The following FCF1 variants were observed in gnomAD, a reference collection of about 807,000 sequenced individuals.
FCF1 encodes the protein FCF1 rRNA-processing protein, also known as rRNA-processing protein FCF1 homolog.
FCF1 carries 17 observed loss-of-function variants against 32.5 expected under a neutral mutation model. That is an observed-to-expected ratio of 0.52 (90% CI 0.36 to 0.78). FCF1 has a LOEUF of 0.78. Ranked by LOEUF, FCF1 falls within the 30% of genes least tolerant of loss-of-function variation. The pLI, the probability that FCF1 is intolerant of heterozygous loss-of-function variation, is 0.00. For synonymous variants in FCF1, 84 were observed against 78.4 expected, an observed-to-expected ratio of 1.07 and a Z score of -0.38; for missense variants, 201 against 241.1, an observed-to-expected ratio of 0.83 and a Z score of 1.10.
chr14:74,730,110 C>T (rs1362615922), intron 5 of FCF1, among the ~76,000 whole-genome samples: 1 of 150,364 alleles, frequency 6.7e-6, no homozygotes, highest in Non-Finnish European at 1.5e-5. Flanking sequence ...CTGTAGATGT[C>T]TATGAAAAAG....
chr14:74,713,272 T>C, intron 1 of FCF1, 72 bp downstream of exon 1: 2 of 1,614,152 alleles, frequency 1.2e-6, no homozygotes, highest in Non-Finnish European at 8.5e-7. Context: ...AGTCAGACCG[T>C]GGCCAAATTT....
intron 7 of FCF1, among the ~76,000 whole-genome samples, chr14:74,734,519 TAA>T (rs71303897): frequency 4.2e-5 from 6 of 144,576 alleles, no homozygotes; most frequent in African/African-American, 5.1e-5. Flanking sequence ...AAAGCTTATT[TAA>T]AAAAAAAAAA....
intron 5 of FCF1, among the ~76,000 whole-genome samples, chr14:74,728,338 T>C (rs1344433102): frequency 6.6e-6 from 1 of 152,066 alleles, no homozygotes; most frequent in African/African-American, 2.4e-5. Flanking sequence ...TAAGTTGGAT[T>C]CCTAGGTATT....
At chr14:74,734,805 C>A in intron 7 of FCF1, 77 bp from the exon 8 acceptor site, 2 of 1,120,354 alleles carry the variant, frequency 1.8e-6, no homozygotes, top group Non-Finnish European at 2.7e-6. Context: ...GAGAGTATTG[C>A]AGTCTATAAA....
chr14:74,715,791 T>A (rs1231272055), intron 3 of FCF1, 160 bp from the exon 4 acceptor site: 8 of 1,528,806 alleles, frequency 5.2e-6, no homozygotes, highest in Non-Finnish European at 7.1e-6. Flanking sequence ...AAGATAATGA[T>A]ATTACTTTCT....
chr14:74,721,323 G>C lies in FCF1; in HGVS notation c.293-1949G>C, dbSNP rs868298295. ...TGGCCTCCCAAAGTGCTGAGATTACGGGCATGAGCCACCACACCCAGCCCT... is the reference window on the plus strand; with the variant it reads ...TGGCCTCCCAAAGTGCTGAGATTACCGGCATGAGCCACCACACCCAGCCCT... On this transcript the variant is annotated intron_variant, in intron 4 of 7. Transcript: ENST00000341162. Among the ~76,000 whole-genome samples, 38 of 151,568 alleles carry C rather than the reference G, an allele frequency of 2.5e-4. 1 individual carries two copies. Among genetic ancestry groups the C allele is most frequent in the Admixed American group, 2.3e-3 (35 of 15,190 alleles).
At chr14:74,723,638 G>A (rs576420987) in intron 5 of FCF1, among the ~76,000 whole-genome samples, 1 of 152,114 alleles carries the variant, frequency 6.6e-6, no homozygotes, top group African/African-American at 2.4e-5. Flanking sequence ...AGACCAGCCT[G>A]ACCAACATGG....
intron 4 of FCF1, among the ~76,000 whole-genome samples, chr14:74,718,155 G>A (rs1215455205): frequency 3.9e-5 from 6 of 151,948 alleles, no homozygotes; most frequent in African/African-American, 1.2e-4. Flanking sequence ...GTGAGCCACC[G>A]TGCCTGGCCT....
chr14:74,713,341 G>T, intron 1 of FCF1, 141 bp downstream of exon 1: 1 of 1,582,250 alleles, frequency 6.3e-7, no homozygotes, highest in Non-Finnish European at 8.6e-7. Flanking sequence ...TTCTCCAAGC[G>T]GTGACTGTTA....
At chr14:74,732,545 A>G (rs1489910962) in intron 5 of FCF1, among the ~76,000 whole-genome samples, 186 bp from the exon 6 acceptor site, 1 of 152,190 alleles carries the variant, frequency 6.6e-6, no homozygotes, top group Non-Finnish European at 1.5e-5. Context: ...TGATTAAATG[A>G]CCCAAAGCAC....
chr14:74,735,019 G>C lies in FCF1; in HGVS notation c.*89G>C. 9.4e-7 allele frequency: 1 copy of C among 1,066,404 alleles called. No individual in the cohort carries two copies. Among genetic ancestry groups the C allele is most frequent in the South Asian group, 1.3e-5 (1 of 79,000 alleles). 66.1% of individuals were successfully genotyped at this position (1,066,404 alleles called of 1,614,324 possible). The stretch of plus-strand genomic sequence containing the variant: ...CACAAAATGTAGCGGGATTTTTAAG[G>C]AATCAGAGAGACTGATGGAGTTCAG... On this transcript the variant is annotated 3_prime_UTR_variant, in exon 8 of 8. Coordinates refer to ENST00000341162, the MANE Select transcript of FCF1 (RefSeq NM_015962.5).
intron 5 of FCF1, among the ~76,000 whole-genome samples, chr14:74,730,227 TTTA>T (rs1282006673): frequency 1.0e-4 from 15 of 148,744 alleles, no homozygotes; most frequent in African/African-American, 3.8e-4. Context: ...TTTTTTTTTT[TTTA>T]AAGACAGATT....
rs534499486 is a variant in FCF1 at position 74,714,982 on chromosome 14, T to C, written c.143+39T>C. ...CGTTTGAAGTTTTCCTTTAAAACCATAGACCTCTTAGAAATCCAGGCTTTC... is the reference window on the plus strand; with the variant it reads ...CGTTTGAAGTTTTCCTTTAAAACCACAGACCTCTTAGAAATCCAGGCTTTC... On this transcript the variant is annotated intron_variant, in intron 3 of 7. Coordinates refer to ENST00000341162, the MANE Select transcript of FCF1 (RefSeq NM_015962.5). The C allele has an allele frequency of 1.2e-5, 19 of 1,545,090 alleles. No individual in the cohort carries two copies. In the Admixed American group the frequency reaches 1.7e-4, roughly 13 times the overall value.
intron 6 of FCF1, among the ~76,000 whole-genome samples, chr14:74,733,689 G>A (rs1431843036): frequency 6.6e-6 from 1 of 152,242 alleles, no homozygotes; most frequent in East Asian, 1.9e-4. Flanking sequence ...GGAAAGGAGG[G>A]AGCTATGGCC....
rs953207341 is a variant in FCF1, at chr14:74,713,766, T to A, written c.71+214T>A. ...ATTAAACATTTCTTAAGTGTTCACT[T>A]TTTCTACCGTTATATGCTTTGTCTG... On this transcript the variant is annotated intron_variant, in intron 2 of 7. Coordinates refer to ENST00000341162, the MANE Select transcript of FCF1 (RefSeq NM_015962.5). The A allele has an allele frequency of 1.0e-5, 6 of 596,304 alleles. No homozygotes were observed. In the East Asian group the frequency reaches 1.7e-4, roughly 17 times the overall value. 36.9% of individuals were successfully genotyped at this position (596,304 alleles called of 1,614,324 possible).
At chr14:74,721,633 A>C (rs888264969) in intron 4 of FCF1, among the ~76,000 whole-genome samples, 10 of 152,032 alleles carry the variant, frequency 6.6e-5, no homozygotes, top group African/African-American at 1.9e-4. Flanking sequence ...CCTGGGAGGC[A>C]GAGATTACGC....
chr14:74,733,664 A>G (rs2090667017), intron 6 of FCF1, among the ~76,000 whole-genome samples: 1 of 152,162 alleles, frequency 6.6e-6, no homozygotes, highest in African/African-American at 2.4e-5. Flanking sequence ...AGCACACCCA[A>G]GCCCCAAGAT....
intron 5 of FCF1, among the ~76,000 whole-genome samples, chr14:74,723,636 C>T (rs556329160): frequency 2.0e-4 from 31 of 152,034 alleles, no homozygotes; most frequent in African/African-American, 7.5e-4. Flanking sequence ...CGAGACCAGC[C>T]TGACCAACAT....
chr14:74,716,017 CG>C lies in FCF1; in HGVS notation c.211del (p.Val71LeufsTer10). 1 of 1,613,772 alleles carries C rather than the reference CG, an allele frequency of 6.2e-7. No homozygotes were observed. On this transcript the variant is annotated frameshift_variant, in exon 4 of 8. Coordinates refer to ENST00000341162, the MANE Select transcript of FCF1 (RefSeq NM_015962.5). LOFTEE classifies it high-confidence loss of function. ...AGCTGGGCCCACCTTACCACATCCT[CG>C]TTGATACCAACTTTATCAACTTTTC... ...TQLGPPYHIL[V>X]DTNFINFSIK...
Sources: gnomAD v4.1 joint callset for allele counts (sites outside exome capture counted in the v4.1 genomes callset) on GRCh38, gnomAD v4.1.1 for gene constraint, MANE v1.5 for transcripts, NCBI Gene and HGNC (gene_info 2026-07-23, HGNC 2026-07-21) for gene names.